Variants in LHFPL2 observed in about 807,000 individuals in gnomAD.
The protein encoded by LHFPL2 is LHFPL tetraspan subfamily member 2, also known as LHFPL tetraspan subfamily member 2 protein.
In LHFPL2, 7 loss-of-function variants were observed where a neutral mutation model predicts 17.5. The observed-to-expected ratio is 0.40, with a 90% CI of 0.23 to 0.75. The LOEUF is 0.75. LHFPL2 is among the 30% of genes least tolerant of loss of function. The pLI, the probability that LHFPL2 is intolerant of heterozygous loss-of-function variation, is 0.37. For synonymous variants in LHFPL2, 134 were observed against 116.2 expected, an observed-to-expected ratio of 1.15 and a Z score of -0.99; for missense variants, 241 against 294.8, an observed-to-expected ratio of 0.82 and a Z score of 1.34.
chr5:78,615,701 G>T (rs573763708), intron 2 of LHFPL2, among the ~76,000 whole-genome samples: 19 of 152,104 alleles, frequency 1.2e-4, no homozygotes, highest in African/African-American at 4.6e-4. Context: ...AACAAAATTT[G>T]ATTCAAAACC....
intron 2 of LHFPL2, among the ~76,000 whole-genome samples, chr5:78,622,075 C>G (rs775556095): frequency 1.1e-4 from 17 of 152,096 alleles, no homozygotes; most frequent in African/African-American, 1.9e-4. Flanking sequence ...TCCCTTGATT[C>G]TAAAAGCATA....
chr5:78,642,265 C>T (rs1745694271), intron 1 of LHFPL2: 1 of 152,192 alleles, frequency 6.6e-6, no homozygotes, highest in South Asian at 2.1e-4. Context: ...CGGGTTAGGG[C>T]TTCAACATAT....
chr5:78,495,696 G>A (rs756443194), intron 4 of LHFPL2, among the ~76,000 whole-genome samples: 6 of 151,996 alleles, frequency 3.9e-5, no homozygotes, highest in Admixed American at 6.6e-5. Context: ...ATGAAATATC[G>A]GAACGTCTCT....
intron 3 of LHFPL2, among the ~76,000 whole-genome samples, chr5:78,557,873 C>T (rs1233580617): frequency 1.3e-5 from 2 of 152,086 alleles, no homozygotes; most frequent in East Asian, 1.9e-4. Flanking sequence ...GATGCCAGTG[C>T]GAGGGGTGTC....
chr5:78,530,866 G>A (rs773527825), intron 3 of LHFPL2, among the ~76,000 whole-genome samples: 7 of 152,172 alleles, frequency 4.6e-5, no homozygotes, highest in Admixed American at 6.5e-5. Flanking sequence ...TGACAACGGT[G>A]TCCCTTCAAC....
chr5:78,496,048 G>A (rs1021864780), intron 4 of LHFPL2, among the ~76,000 whole-genome samples: 1 of 152,014 alleles, frequency 6.6e-6, no homozygotes, highest in Non-Finnish European at 1.5e-5. Context: ...ACCACTTCCT[G>A]CCACAGGGTT....
At chr5:78,541,416 G>C (rs1456353971) in intron 3 of LHFPL2, among the ~76,000 whole-genome samples, 2 of 152,204 alleles carry the variant, frequency 1.3e-5, no homozygotes, top group Non-Finnish European at 2.9e-5. Context: ...GCAGCCCTGG[G>C]ATGTGGGAGC....
chr5:78,561,907 C>T (rs1373321012), intron 3 of LHFPL2, among the ~76,000 whole-genome samples: 2 of 152,176 alleles, frequency 1.3e-5, no homozygotes, highest in African/African-American at 4.8e-5. Context: ...GCCCCTTATG[C>T]TAATCACCCA....
At chr5:78,616,880 A>C (rs976297240) in intron 2 of LHFPL2, among the ~76,000 whole-genome samples, 1 of 152,224 alleles carries the variant, frequency 6.6e-6, no homozygotes, top group Non-Finnish European at 1.5e-5. Context: ...CTAATTAAGG[A>C]GAAAGATCCC....
intron 3 of LHFPL2, among the ~76,000 whole-genome samples, chr5:78,544,080 C>CA (rs1313991072): frequency 6.6e-6 from 1 of 152,184 alleles, no homozygotes; most frequent in Non-Finnish European, 1.5e-5. Context: ...GACCACCCAC[C>CA]AGTGCCAGGA....
At chr5:78,508,653 C>T (rs1021450522) in intron 4 of LHFPL2, among the ~76,000 whole-genome samples, 4 of 152,146 alleles carry the variant, frequency 2.6e-5, no homozygotes, top group East Asian at 1.9e-4. Flanking sequence ...AGAGTGAATT[C>T]GTTTGGGGGC....
chr5:78,627,357 C>A (rs1425087858), intron 2 of LHFPL2, among the ~76,000 whole-genome samples: 1 of 152,098 alleles, frequency 6.6e-6, no homozygotes, highest in Non-Finnish European at 1.5e-5. Context: ...CTCCAGCCTC[C>A]CTCACTTTCC....
chr5:78,562,906 C>A (rs999430448), intron 3 of LHFPL2, among the ~76,000 whole-genome samples: 20 of 152,334 alleles, frequency 1.3e-4, no homozygotes, highest in African/African-American at 4.8e-4. Context: ...ATTAAACAGG[C>A]CAGTCTGGCA....
intron 3 of LHFPL2, among the ~76,000 whole-genome samples, chr5:78,552,194 C>T (rs1379291212): frequency 2.7e-5 from 4 of 149,860 alleles, no homozygotes; most frequent in Admixed American, 6.6e-5. Flanking sequence ...AGTGCAGTGG[C>T]GCGATCTTGG....
intron 3 of LHFPL2, among the ~76,000 whole-genome samples, chr5:78,532,277 CT>C (rs999704515): frequency 7.2e-5 from 11 of 152,080 alleles, no homozygotes; most frequent in Non-Finnish European, 1.6e-4. Flanking sequence ...CCAAGCTCAT[CT>C]CGAACTCCTG....
chr5:78,590,362 T>G (rs2112459298), intron 2 of LHFPL2, among the ~76,000 whole-genome samples: 1 of 152,372 alleles, frequency 6.6e-6, no homozygotes, highest in Middle Eastern at 3.4e-3. Flanking sequence ...ATACTGTACC[T>G]AGAACTTTAA....
intron 3 of LHFPL2, among the ~76,000 whole-genome samples, chr5:78,515,536 G>A (rs1376236716): frequency 6.6e-6 from 1 of 152,210 alleles, no homozygotes; most frequent in African/African-American, 2.4e-5. Context: ...CGTTTCTTCT[G>A]CAAGGATGGG....
chr5:78,584,995 G>GTTTTTT (rs1163195083), intron 2 of LHFPL2, among the ~76,000 whole-genome samples: 2 of 40,528 alleles, frequency 4.9e-5, no homozygotes, highest in African/African-American at 1.6e-4. Flanking sequence ...GGTGCGCTGT[G>GTTTTTT]TTTTTTTTTT....
intron 2 of LHFPL2, among the ~76,000 whole-genome samples, chr5:78,579,119 G>A (rs547844039): frequency 6.6e-6 from 1 of 152,284 alleles, no homozygotes; most frequent in East Asian, 1.9e-4. Context: ...AAAAGAAACA[G>A]ATGAAAATTG....
Sources: gnomAD v4.1 joint callset for allele counts (sites outside exome capture counted in the v4.1 genomes callset) on GRCh38, gnomAD v4.1.1 for gene constraint, MANE v1.5 for transcripts, NCBI Gene and HGNC (gene_info 2026-07-23, HGNC 2026-07-21) for gene names.